ARPC2: variants seen among roughly 807,000 people sequenced by gnomAD.
ARPC2 encodes actin related protein 2/3 complex subunit 2.
Under a neutral mutation model 38.6 loss-of-function variants are expected in ARPC2, and 4 were observed. The ratio of observed to expected loss-of-function variants is 0.10; its 90% CI spans 0.05 to 0.24. ARPC2 has a LOEUF of 0.24. Among genes scored for constraint, ARPC2 ranks in the 10% least tolerant of loss-of-function variants. The probability of loss-of-function intolerance (pLI) is 1.00; values close to 1 mark genes in which losing one functional copy is unlikely to be tolerated. For missense variants in ARPC2, 229 were observed against 387.3 expected, an observed-to-expected ratio of 0.59 and a Z score of 3.43; for synonymous variants, 125 against 140.8, an observed-to-expected ratio of 0.89 and a Z score of 0.79.
rs995998559 is a variant in ARPC2 at position 218,234,270 on chromosome 2, C to G, written c.223-82C>G. 2.8e-6 allele frequency: 3 copies of G among 1,082,142 alleles called. No individual in the cohort carries two copies. The Admixed American group carries it at 6.7e-5, about 24-fold the overall frequency. 67.0% of individuals were successfully genotyped at this position (1,082,142 alleles called of 1,614,324 possible). A position where few individuals can be genotyped will look rare whatever the true frequency, so the allele number is the denominator to read the frequency against. On this transcript the variant is annotated intron_variant, in intron 4 of 10. Transcript: ENST00000315717. ...GAATGCCAACTTAGGAAGAGCTTGG[C>G]AAGTGCAGTACTTTAAAAATAATGA...
intron 8 of ARPC2, among the ~76,000 whole-genome samples, chr2:218,246,348 C>T (rs1324113821): frequency 6.6e-6 from 1 of 151,462 alleles, no homozygotes; most frequent in East Asian, 1.9e-4. Flanking sequence ...CATGGTGAAA[C>T]ACTCCGTCTC....
chr2:218,227,925 T>C (rs1296063282), intron 3 of ARPC2, among the ~76,000 whole-genome samples: 1 of 152,158 alleles, frequency 6.6e-6, no homozygotes, highest in African/African-American at 2.4e-5. Context: ...ATTAAGAAAT[T>C]GTTTTTAAAA....
At chr2:218,217,583 A>G (rs1574571300) in intron 2 of ARPC2, 39 bp downstream of exon 2, 4 of 1,573,504 alleles carry the variant, frequency 2.5e-6, no homozygotes, top group East Asian at 2.3e-5. Flanking sequence ...CGGGGGAAGC[A>G]GAGTTGACCC....
At chr2:218,239,651 T>C (rs970814243) in intron 7 of ARPC2, 167 bp downstream of exon 7, 7 of 590,310 alleles carry the variant, frequency 1.2e-5, no homozygotes, top group African/African-American at 1.9e-5. Context: ...TGGAGTGCAA[T>C]GGAGTGATCT....
intron 6 of ARPC2, 100 bp downstream of exon 6, chr2:218,238,950 C>A: frequency 1.0e-6 from 1 of 989,622 alleles, no homozygotes; most frequent in Non-Finnish European, 1.5e-6. Flanking sequence ...AGCTGTATTG[C>A]GTGAAAATGT....
intron 6 of ARPC2, 35 bp from the exon 7 acceptor site, chr2:218,239,356 T>G (rs747783346): frequency 6.8e-7 from 1 of 1,479,052 alleles, no homozygotes; most frequent in African/African-American, 1.4e-5. Context: ...CCATTCTGAT[T>G]CTGTACTTAT....
At chr2:218,241,439 C>T (rs1490978964) in intron 7 of ARPC2, among the ~76,000 whole-genome samples, 2 of 152,120 alleles carry the variant, frequency 1.3e-5, no homozygotes, top group African/African-American at 4.8e-5. Context: ...AAAAGTAAGC[C>T]TCTAGAGAGG....
rs71064418 is a variant in ARPC2, at chr2:218,232,546, ATT to A, written c.223-1782_223-1781del. On this transcript the variant is annotated intron_variant, in intron 4 of 10. Coordinates refer to ENST00000315717, the MANE Select transcript of ARPC2 (RefSeq NM_152862.3). ...GAAGGGCAAGAGAGGGCCAGACTCA[ATT>A]TTTTTTTTTTTTTTTTTTTTTTTGA... Among the ~76,000 whole-genome samples, 709 of 83,142 alleles carry A rather than the reference ATT, an allele frequency of 8.5e-3. 2 individuals carry two copies. Among genetic ancestry groups the A allele is most frequent in the African/African-American group, 0.013 (305 of 22,726 alleles). 54.5% of individuals were successfully genotyped at this position (83,142 alleles called of 152,430 possible). A position where few individuals can be genotyped will look rare whatever the true frequency, so the allele number is the denominator to read the frequency against.
rs1035834636 is a variant in ARPC2 at position 218,242,938 on chromosome 2, A to G, written c.550-2482A>G. Among the ~76,000 whole-genome samples, 4 of 152,142 alleles carry G rather than the reference A, an allele frequency of 2.6e-5. No homozygotes were observed. In the East Asian group the frequency reaches 7.7e-4, roughly 29 times the overall value. ...GACCGTGTTTTGTGGGGTTTTTTCC[A>G]CCATGTGGAAGTTTGTTTTTACATA... On this transcript the variant is annotated intron_variant, in intron 7 of 10. Coordinates refer to ENST00000315717, the MANE Select transcript of ARPC2 (RefSeq NM_152862.3).
At chr2:218,245,857 C>G (rs1309343767) in intron 8 of ARPC2, among the ~76,000 whole-genome samples, 19 of 152,082 alleles carry the variant, frequency 1.2e-4, no homozygotes, top group Admixed American at 1.2e-3. Context: ...GAGCAGAGGA[C>G]TATAGCTACT....
intron 4 of ARPC2, 154 bp from the exon 5 acceptor site, chr2:218,234,198 C>G (rs1689713901): frequency 1.8e-6 from 1 of 568,190 alleles, no homozygotes; most frequent in African/African-American, 1.9e-5. Context: ...ACTAAATCCA[C>G]TTCCCCTCTG....
chr2:218,240,106 C>CTGG (rs1689876677), intron 7 of ARPC2, among the ~76,000 whole-genome samples: 1 of 152,068 alleles, frequency 6.6e-6, no homozygotes, highest in African/African-American at 2.4e-5. Flanking sequence ...AGGCACGCGC[C>CTGG]ACCACGCCCA....
Position 218,238,731 on chromosome 2 carries a change from A to C in ARPC2, c.336A>C (p.Gln112His). Reference sequence around the variant, plus strand: ...CATCCAAGGATTCCATTGTGCATCAAGCTGGCATGTTGAAGCGAAATTGTT... The same window carrying C: ...CATCCAAGGATTCCATTGTGCATCACGCTGGCATGTTGAAGCGAAATTGTT... ...LPASKDSIVHQAGMLKRNCFA... is the reference protein window; with the variant it reads ...LPASKDSIVHHAGMLKRNCFA... The change falls in exon 6 of 11, where the codon CAA becomes CAC. Residue 112 changes from glutamine to histidine, a missense_variant. Coordinates refer to ENST00000315717, the MANE Select transcript of ARPC2 (RefSeq NM_152862.3). The C allele has an allele frequency of 6.2e-7, 1 of 1,613,922 alleles. No individual in the cohort carries two copies. The highest frequency in any genetic ancestry group is 8.5e-7 in the Non-Finnish European group (1 of 1,179,980).
At chr2:218,238,942 C>T in intron 6 of ARPC2, 92 bp downstream of exon 6, 1 of 1,051,828 alleles carries the variant, frequency 9.5e-7, no homozygotes. Context: ...AAACTTTCAG[C>T]TGTATTGCGT....
chr2:218,230,764 A>G (rs1232106409), intron 4 of ARPC2, among the ~76,000 whole-genome samples: 8 of 152,102 alleles, frequency 5.3e-5, no homozygotes, highest in Non-Finnish European at 2.9e-5. Flanking sequence ...GGGACTTCAC[A>G]CAGTTGGCTT....
chr2:218,224,007 A>C (rs1205103541), intron 2 of ARPC2, among the ~76,000 whole-genome samples: 1 of 152,192 alleles, frequency 6.6e-6, no homozygotes. Context: ...CTTCCCATGA[A>C]GTCTCCTTTG....
intron 7 of ARPC2, among the ~76,000 whole-genome samples, chr2:218,240,909 C>G (rs75247848): frequency 6.6e-6 from 1 of 151,550 alleles, no homozygotes; most frequent in African/African-American, 2.4e-5. Flanking sequence ...AAAAGAGAGT[C>G]CTGAGAGTTA....
intron 5 of ARPC2, among the ~76,000 whole-genome samples, chr2:218,237,123 A>G (rs1161938501): frequency 6.6e-6 from 1 of 152,110 alleles, no homozygotes; most frequent in East Asian, 1.9e-4. Flanking sequence ...TGTTCCACAC[A>G]CTTTAAGTAT....
At chr2:218,246,760 C>A (rs1690044801) in intron 8 of ARPC2, among the ~76,000 whole-genome samples, 1 of 152,082 alleles carries the variant, frequency 6.6e-6, no homozygotes, top group South Asian at 2.1e-4. Context: ...CACTTGAGGT[C>A]AGAAGTTCGA....
Sources: allele counts gnomAD v4.1 joint callset (sites outside exome capture counted in the v4.1 genomes callset), GRCh38; gene constraint gnomAD v4.1.1; transcripts MANE v1.5; gene names NCBI Gene and HGNC (gene_info 2026-07-23, HGNC 2026-07-21).